THEMIS: variants seen among roughly 807,000 people sequenced by gnomAD.
THEMIS encodes the protein thymocyte selection associated.
In THEMIS, 37 loss-of-function variants were observed where a neutral mutation model predicts 52.6. The observed-to-expected ratio is 0.70, with a 90% CI of 0.54 to 0.93. THEMIS has a LOEUF of 0.93. THEMIS is among the 40% of genes least tolerant of loss of function. The probability of loss-of-function intolerance (pLI) is 0.00; values close to 1 mark genes in which losing one functional copy is unlikely to be tolerated. For missense variants in THEMIS, 808 were observed against 763.1 expected, an observed-to-expected ratio of 1.06 and a Z score of -0.69; for synonymous variants, 292 against 272.7, an observed-to-expected ratio of 1.07 and a Z score of -0.70.
chr6:127,862,122 A>G (rs895305458), intron 1 of THEMIS, among the ~76,000 whole-genome samples: 1 of 152,102 alleles, frequency 6.6e-6, no homozygotes. Context: ...GTTAGAGTAA[A>G]ATTTCAACAT....
chr6:127,798,307 AT>A (rs1373795981), intron 4 of THEMIS, among the ~76,000 whole-genome samples: 1 of 152,260 alleles, frequency 6.6e-6, no homozygotes, highest in African/African-American at 2.4e-5. Flanking sequence ...GTTCAAAAAA[AT>A]AAAAGATCAC....
intron 5 of THEMIS, among the ~76,000 whole-genome samples, chr6:127,714,174 C>A (rs1774079085): frequency 6.6e-6 from 1 of 151,884 alleles, no homozygotes; most frequent in Non-Finnish European, 1.5e-5. Flanking sequence ...AGAACCCCTA[C>A]AGCAGACTCA....
At chr6:127,731,734 G>A (rs1452631318) in intron 4 of THEMIS, among the ~76,000 whole-genome samples, 1 of 118,712 alleles carries the variant, frequency 8.4e-6, no homozygotes, top group African/African-American at 3.3e-5. Flanking sequence ...GTCTCGCTCT[G>A]TCGCCCAGGC....
At chr6:127,838,935 C>G (rs945168586) in intron 2 of THEMIS, among the ~76,000 whole-genome samples, 1 of 152,030 alleles carries the variant, frequency 6.6e-6, no homozygotes, top group African/African-American at 2.4e-5. Context: ...TTTATTGATG[C>G]AGTTTTTGAT....
chr6:127,907,801 C>T (rs1562334066), intron 1 of THEMIS, among the ~76,000 whole-genome samples: 1 of 151,224 alleles, frequency 6.6e-6, no homozygotes, highest in East Asian at 2.0e-4. Flanking sequence ...TCACCATTCT[C>T]TTCTGTCTCC....
intron 5 of THEMIS, among the ~76,000 whole-genome samples, chr6:127,717,101 T>C (rs1774194377): frequency 6.6e-6 from 1 of 151,860 alleles, no homozygotes; most frequent in South Asian, 2.1e-4. Flanking sequence ...TCCTTAGCAA[T>C]CAATTCATAA....
At chr6:127,896,478 A>G (rs1174492921) in intron 1 of THEMIS, among the ~76,000 whole-genome samples, 1 of 151,592 alleles carries the variant, frequency 6.6e-6, no homozygotes, top group Non-Finnish European at 1.5e-5. Flanking sequence ...ATTGACAGAA[A>G]TGAAATAGAC....
chr6:127,739,417 G>T (rs753270810), intron 4 of THEMIS, among the ~76,000 whole-genome samples: 1 of 152,318 alleles, frequency 6.6e-6, no homozygotes, highest in East Asian at 1.9e-4. Flanking sequence ...GGAGGCCAAG[G>T]CAGGCGGATA....
chr6:127,876,230 A>T (rs531004115), intron 1 of THEMIS, among the ~76,000 whole-genome samples: 1 of 152,298 alleles, frequency 6.6e-6, no homozygotes, highest in South Asian at 2.1e-4. Flanking sequence ...AAATAAGATG[A>T]CAGCTGCAAA....
chr6:127,897,010 T>A (rs1190814311), intron 1 of THEMIS, among the ~76,000 whole-genome samples: 2 of 151,458 alleles, frequency 1.3e-5, no homozygotes, highest in East Asian at 3.9e-4. Flanking sequence ...GACCCAGGCA[T>A]GTATGGACAC....
chr6:127,700,720 T>G, the THEMIS span, among the ~76,000 whole-genome samples: 6 of 152,184 alleles, frequency 3.9e-5, no homozygotes, highest in East Asian at 1.2e-3. Context: ...TGAAATAAAC[T>G]GCACACAGGG....
intron 4 of THEMIS, among the ~76,000 whole-genome samples, chr6:127,754,181 A>C (rs1583235258): frequency 6.6e-6 from 1 of 152,224 alleles, no homozygotes; most frequent in African/African-American, 2.4e-5. Context: ...CACAACTTAC[A>C]AAAGGGTTGT....
chr6:127,699,495 T>G, the THEMIS span, among the ~76,000 whole-genome samples: 1 of 149,466 alleles, frequency 6.7e-6, no homozygotes, highest in Admixed American at 6.8e-5. Flanking sequence ...TTTCACAGGA[T>G]ACGTTCTTCC....
At chr6:127,775,460 C>A (rs1583262614) in intron 4 of THEMIS, among the ~76,000 whole-genome samples, 1 of 152,072 alleles carries the variant, frequency 6.6e-6, no homozygotes, top group African/African-American at 2.4e-5. Context: ...TTCTTAGAAG[C>A]AATTTCTGCT....
At chr6:127,844,766 T>G (rs1259188540) in intron 2 of THEMIS, among the ~76,000 whole-genome samples, 1 of 151,948 alleles carries the variant, frequency 6.6e-6, no homozygotes, top group Non-Finnish European at 1.5e-5. Context: ...TGACATGATT[T>G]ACCAATCTAT....
At chr6:127,760,501 C>T (rs1489925470) in intron 4 of THEMIS, among the ~76,000 whole-genome samples, 1 of 152,052 alleles carries the variant, frequency 6.6e-6, no homozygotes, top group Non-Finnish European at 1.5e-5. Flanking sequence ...TTAAAATCTT[C>T]CAAGCTCAGC....
chr6:127,734,255 T>A (rs1583212485), intron 4 of THEMIS, among the ~76,000 whole-genome samples: 1 of 152,228 alleles, frequency 6.6e-6, no homozygotes, highest in East Asian at 1.9e-4. Context: ...TGATAAGTTT[T>A]CAGGTGTGAC....
chr6:127,712,140 C>T (rs1774004036), intron 5 of THEMIS, among the ~76,000 whole-genome samples: 1 of 151,838 alleles, frequency 6.6e-6, no homozygotes, highest in Non-Finnish European at 1.5e-5. Context: ...GTTATTTGTC[C>T]AACTCTCCCT....
In THEMIS at chr6:127,894,685, A is replaced by G. The variant is rs1363676372; in HGVS notation, c.91+6157T>C. Among the ~76,000 whole-genome samples the G allele has an allele frequency of 3.3e-5, 5 of 151,838 alleles. No individual in the cohort carries two copies. In the East Asian group the frequency reaches 9.7e-4, roughly 29 times the overall value. On this transcript the variant is annotated intron_variant, in intron 1 of 5. Transcript: ENST00000368248. Reference sequence around the variant, plus strand: ...GAAACAAAACATAGAGAATATTAACAAAACCAAATTCTAGCTTCTTTTCAA... The same window carrying G: ...GAAACAAAACATAGAGAATATTAACGAAACCAAATTCTAGCTTCTTTTCAA...
Sources: allele counts gnomAD v4.1 joint callset (sites outside exome capture counted in the v4.1 genomes callset), GRCh38; gene constraint gnomAD v4.1.1; transcripts MANE v1.5; gene names NCBI Gene and HGNC (gene_info 2026-07-23, HGNC 2026-07-21).